SIPA1: variants seen among roughly 807,000 people sequenced by gnomAD.
The protein encoded by SIPA1 is signal-induced proliferation-associated 1.
Under a neutral mutation model 88.1 loss-of-function variants are expected in SIPA1, and 51 were observed. The ratio of observed to expected loss-of-function variants is 0.58; its 90% CI spans 0.46 to 0.73. The LOEUF is 0.73. Ranked by LOEUF, SIPA1 falls within the 30% of genes least tolerant of loss-of-function variation. The probability of loss-of-function intolerance (pLI) is 0.00; values close to 1 mark genes in which losing one functional copy is unlikely to be tolerated. For missense variants in SIPA1, 1,348 were observed against 1,467.6 expected (o/e 0.92, Z 1.33); for synonymous variants, 681 against 664.8 (o/e 1.02, Z -0.37).
At position 65,645,922 on chromosome 11, in the gene SIPA1, A is replaced by C. The variant is rs1360691972; in HGVS notation, c.1228A>C (p.Thr410Pro). The C allele has an allele frequency of 1.9e-6, 3 of 1,613,536 alleles. No homozygotes were observed. Among genetic ancestry groups the C allele is most frequent in the Non-Finnish European group, 2.5e-6 (3 of 1,179,672 alleles). Residue 410 changes from threonine (T) to proline (P), a missense_variant, in exon 6 of 16, where the codon ACG becomes CCG. By Grantham distance (38) the Thr-to-Pro change is conservative (BLOSUM62 -1). Around this residue, in one of 4 missense-constraint regions of SIPA1, gnomAD observed 641 missense variants for 797.7 expected, o/e 0.80. Coordinates refer to ENST00000534313, the MANE Select transcript of SIPA1 (RefSeq NM_006747.4). Reference protein sequence around the residue: ...QDHEIMFHVSTMLPYTPNNQQ... With the variant: ...QDHEIMFHVSPMLPYTPNNQQ... ...CCACGAGATCATGTTCCACGTGTCC[A>C]CGATGCTGCCTTACACCCCTAATAA... is the stretch of plus-strand genomic sequence containing the variant.
At chr11:65,645,706 G>C (rs528604875) in intron 5 of SIPA1, 148 bp from the exon 6 acceptor site, 5 of 577,118 alleles carry the variant, frequency 8.7e-6, no homozygotes, top group Non-Finnish European at 1.6e-5. Flanking sequence ...CTTGAATCTC[G>C]CTGGCTGGGC....
chr11:65,645,371 C>G (rs1856090189), intron 5 of SIPA1, among the ~76,000 whole-genome samples: 1 of 152,110 alleles, frequency 6.6e-6, no homozygotes, highest in Non-Finnish European at 1.5e-5. Flanking sequence ...TTTGGGGGCA[C>G]TACCCCTCCA....
At position 65,641,082 on chromosome 11, in the gene SIPA1, G is replaced by T. The variant is rs1230419849; in HGVS notation, c.161G>T (p.Gly54Val). Residue 54 changes from glycine to valine, a missense_variant, in exon 2 of 16, where the codon GGC becomes GTC. This residue lies in a region of SIPA1 where 641 missense variants were observed against 797.7 expected (regional missense o/e 0.80). Transcript: ENST00000534313. ...GTCCGGGGCCCACTCCTGCGCAGCG[G>T]CAGCGATGCAGGCGAGGCCAGGCCC... ...RPVRGPLLRS[G>V]SDAGEARPPT... 2 of 1,599,752 alleles carry T rather than the reference G, an allele frequency of 1.3e-6. No homozygotes were observed. The highest frequency in any genetic ancestry group is 1.1e-5 in the South Asian group (1 of 90,742).
At position 65,646,453 on chromosome 11, in the gene SIPA1, C is replaced by T. The variant is rs928344428; in HGVS notation, c.1422-3C>T. 1 of 1,587,240 alleles carries T rather than the reference C, an allele frequency of 6.3e-7. No homozygotes were observed. The highest frequency in any genetic ancestry group is 1.7e-5 in the Admixed American group (1 of 58,926). ...CCCCTCACTAACGCCTCCCTCCCCGCAGGGTGGCCGTGAGCCGCACCCAGG... is the reference window on the plus strand; with the variant it reads ...CCCCTCACTAACGCCTCCCTCCCCGTAGGGTGGCCGTGAGCCGCACCCAGG... On this transcript the variant is annotated splice_region_variant and splice_polypyrimidine_tract_variant and intron_variant, in intron 7 of 15. Coordinates refer to ENST00000534313, the MANE Select transcript of SIPA1 (RefSeq NM_006747.4). The surrounding 1 kb of genome is among the most constrained non-coding windows in gnomAD (Gnocchi z 7.5).
At position 65,641,119 on chromosome 11, in the gene SIPA1, C is replaced by T; in HGVS notation, c.198C>T (p.Ala66=). 1.9e-6 allele frequency: 3 copies of T among 1,601,776 alleles called. No homozygotes were observed. The highest frequency in any genetic ancestry group is 1.3e-5 in the African/African-American group (1 of 74,972). The change falls in exon 2 of 16, where the codon GCC becomes GCT. Residue 66 remains alanine (A), a synonymous_variant. Transcript: ENST00000534313. ...GCGAGGCCAGGCCCCCCACGCCAGC[C>T]AGCCCCCGTGCCCGTGCCCACAGCC... ...DAGEARPPTP[A]SPRARAHSHE... is the part of the protein sequence containing the mutation.
chr11:65,650,700 C>CTGA lies in SIPA1; in HGVS notation c.3114_3115insTGA (p.Thr1038_Ala1039insTer). The CTGA allele has an allele frequency of 6.3e-7, 1 of 1,580,038 alleles. No individual in the cohort carries two copies. The highest frequency in any genetic ancestry group is 8.6e-7 in the Non-Finnish European group (1 of 1,163,068). Reference sequence around the variant, plus strand: ...CCTCCAAGCAGCTGGGCTCACCCACCGCCGACCTGGCCTGAGCCGTCTGGA... The same window carrying CTGA: ...CCTCCAAGCAGCTGGGCTCACCCACCTGAGCCGACCTGGCCTGAGCCGTCTGGA... On this transcript the variant is annotated stop_gained and inframe_insertion, in exon 16 of 16. Transcript: ENST00000534313. LOFTEE classifies it high-confidence loss of function.
Position 65,640,816 on chromosome 11 carries a change from C to A in SIPA1, c.-91-15C>A. ...TTCTGCCCAGGCCCCTCTGAGCAGC[C>A]CCCTCCTCCTTCAGGGCAGGAACTG... On this transcript the variant is annotated splice_polypyrimidine_tract_variant and intron_variant, in intron 1 of 15. Coordinates refer to ENST00000534313, the MANE Select transcript of SIPA1 (RefSeq NM_006747.4). The A allele has an allele frequency of 1.9e-6, 2 of 1,045,288 alleles. No individual in the cohort carries two copies. Among genetic ancestry groups the A allele is most frequent in the Non-Finnish European group, 1.3e-6 (1 of 755,616 alleles). The allele number at this position is 1,045,288 out of a possible 1,614,324, so 64.8% of individuals were successfully genotyped here.
Position 65,638,640 on chromosome 11 carries a change from GCTC to G in SIPA1, c.-92+467_-92+469del, listed in dbSNP as rs375645884. ...CTCCAGATGTGCTGGGAAGTGGCCA[GCTC>G]CTCCTCCTGGGGCAGCCAGGCCTTC... is the stretch of plus-strand genomic sequence containing the variant. On this transcript the variant is annotated intron_variant, in intron 1 of 15. Coordinates refer to ENST00000534313, the MANE Select transcript of SIPA1 (RefSeq NM_006747.4). Among the ~76,000 whole-genome samples, 164 of 152,334 alleles carry G rather than the reference GCTC, an allele frequency of 1.1e-3. 1 individual carries two copies. The highest frequency in any genetic ancestry group is 0.01 in the Middle Eastern group (3 of 294).
intron 1 of SIPA1, chr11:65,640,334 C>T (rs1565178348): frequency 6.5e-6 from 1 of 152,758 alleles, no homozygotes; most frequent in East Asian, 1.9e-4. Flanking sequence ...GAGATCAGAC[C>T]TCTCTGGGTG....
In SIPA1 at chr11:65,650,738, C is replaced by A; in HGVS notation, c.*23C>A. The stretch of plus-strand genomic sequence containing the variant: ...TGAGCCGTCTGGAACCACCTGGGCC[C>A]CTGAGGGCACTGTGGTCACACTGGG... On this transcript the variant is annotated 3_prime_UTR_variant, in exon 16 of 16. Transcript: ENST00000534313. 1 of 1,540,136 alleles carries A rather than the reference C, an allele frequency of 6.5e-7. No individual in the cohort carries two copies. Among genetic ancestry groups the A allele is most frequent in the East Asian group, 2.4e-5 (1 of 42,300 alleles).
In SIPA1 at chr11:65,640,731, G is replaced by C. The variant is rs1855983210; in HGVS notation, c.-91-100G>C. ...AGCGGAAGCAGCTTTGATGGTCTCG[G>C]AGGGGGCCGGAAGCCAACACGGGTG... On this transcript the variant is annotated intron_variant, in intron 1 of 15. Transcript: ENST00000534313. 5 of 533,964 alleles carry C rather than the reference G, an allele frequency of 9.4e-6. No homozygotes were observed. The South Asian group carries it at 1.4e-4, about 15-fold the overall frequency. The allele number at this position is 533,964 out of a possible 1,614,324, so 33.1% of individuals were successfully genotyped here.
At position 65,641,459 on chromosome 11, in the gene SIPA1, C is replaced by G; in HGVS notation, c.538C>G (p.Pro180Ala). The change falls in exon 2 of 16, where the codon CCA (proline) becomes GCA (alanine). Residue 180 changes from proline (P) to alanine (A), a missense_variant. Coordinates refer to ENST00000534313, the MANE Select transcript of SIPA1 (RefSeq NM_006747.4). Reference sequence around the variant, plus strand: ...TGAGGGTGAGCTAGGCCTGGGTGGACCAGCATCCCCACCTGTGCCCCCTGC... The same window carrying G: ...TGAGGGTGAGCTAGGCCTGGGTGGAGCAGCATCCCCACCTGTGCCCCCTGC... Reference protein sequence around the residue: ...GGEGELGLGGPASPPVPPALP... With the variant: ...GGEGELGLGGAASPPVPPALP... 6.2e-7 allele frequency: 1 copy of G among 1,612,278 alleles called. No homozygotes were observed. The highest frequency in any genetic ancestry group is 8.5e-7 in the Non-Finnish European group (1 of 1,179,976).
At position 65,641,354 on chromosome 11, in the gene SIPA1, A is replaced by G. The variant is rs1855999734; in HGVS notation, c.433A>G (p.Thr145Ala). 2 of 1,613,348 alleles carry G rather than the reference A, an allele frequency of 1.2e-6. No individual in the cohort carries two copies. Among genetic ancestry groups the G allele is most frequent in the East Asian group, 4.5e-5 (2 of 44,868 alleles). ...MGSHSEASSG[T>A]LASAEDQAAS... ...GAGCCACTCAGAGGCCAGCTCTGGG[A>G]CCCTGGCTTCAGCCGAGGACCAGGC... The change falls in exon 2 of 16, where the codon ACC (threonine) becomes GCC (alanine). Residue 145 changes from threonine to alanine, a missense_variant. Thr to Ala is a moderately conservative substitution (Grantham distance 58). Transcript: ENST00000534313.
In SIPA1 at chr11:65,642,048, AGGTCTG is replaced by A. The variant is rs913335087; in HGVS notation, c.680-191_680-186del. The A allele has an allele frequency of 2.9e-6, 2 of 700,554 alleles. No homozygotes were observed. Among genetic ancestry groups the A allele is most frequent in the African/African-American group, 1.8e-5 (1 of 54,416 alleles). The allele number at this position is 700,554 out of a possible 1,614,324, so 43.4% of individuals were successfully genotyped here. A position where few individuals can be genotyped will look rare whatever the true frequency, so the allele number is the denominator to read the frequency against. On this transcript the variant is annotated intron_variant, in intron 2 of 15. Coordinates refer to ENST00000534313, the MANE Select transcript of SIPA1 (RefSeq NM_006747.4). This position sits in a 1 kb window ranked among gnomAD's most constrained non-coding sequence, Gnocchi z 6.5. ...GCCTGGGAGCTGGCCGCGTGGGTCT[AGGTCTG>A]GGTCTGGGTCCACCTCTGGGTCAGG...
In SIPA1 at chr11:65,642,576, C is replaced by A; in HGVS notation, c.921C>A (p.Cys307Ter). The A allele has an allele frequency of 6.3e-7, 1 of 1,598,780 alleles. No homozygotes were observed. ...EHVAPQLSPS[C>*]LRLGSASPKV... ...TGGCGCCGCAGCTGAGCCCCAGCTG[C>A]CTGCGCCTGGGCTCAGCTTCACCCA... The change falls in exon 4 of 16, where the codon TGC (cysteine) becomes TGA (stop). Residue 307 changes from cysteine to a stop codon, truncating the protein, a stop_gained. Transcript: ENST00000534313. LOFTEE classifies it high-confidence loss of function. This position sits in a 1 kb window ranked among gnomAD's most constrained non-coding sequence, Gnocchi z 6.5.
Position 65,650,555 on chromosome 11 carries a change from C to A in SIPA1, c.2983-14C>A. The A allele has an allele frequency of 6.2e-7, 1 of 1,608,670 alleles. No individual in the cohort carries two copies. The highest frequency in any genetic ancestry group is 2.2e-5 in the East Asian group (1 of 44,632). ...GGGCTGGCGGCTCTGACTCCTGTCT[C>A]CCCGGCACCCCAGGAGAAGGCGGAC... On this transcript the variant is annotated splice_polypyrimidine_tract_variant and intron_variant, in intron 15 of 15. Transcript: ENST00000534313.
At chr11:65,644,817 C>T in intron 4 of SIPA1, 138 bp from the exon 5 acceptor site, 1 of 808,930 alleles carries the variant, frequency 1.2e-6, no homozygotes, top group East Asian at 2.5e-5. Context: ...AGACTGTACT[C>T]ACCTGACAGG....
rs771862288 is a variant in SIPA1 at position 65,641,323 on chromosome 11, G to C, written c.402G>C (p.Gly134=). The change falls in exon 2 of 16, where the codon GGG becomes GGC. Residue 134 remains glycine (G), a synonymous_variant. Transcript: ENST00000534313. ...TTGATTGGGCTCCGAGGTCTCAGGG[G>C]ATGGGGAGCCACTCAGAGGCCAGCT... is the stretch of plus-strand genomic sequence containing the variant. ...LLFDWAPRSQ[G]MGSHSEASSG... The C allele has an allele frequency of 6.2e-7, 1 of 1,613,518 alleles. No homozygotes were observed. Among genetic ancestry groups the C allele is most frequent in the Non-Finnish European group, 8.5e-7 (1 of 1,180,032 alleles).
At position 65,647,449 on chromosome 11, in the gene SIPA1, C is replaced by T; in HGVS notation, c.2097C>T (p.Gly699=). The T allele has an allele frequency of 1.3e-6, 2 of 1,482,136 alleles. No homozygotes were observed. Among genetic ancestry groups the T allele is most frequent in the South Asian group, 1.2e-5 (1 of 80,082 alleles). 91.8% of individuals were successfully genotyped at this position (1,482,136 alleles called of 1,614,324 possible). A position where few individuals can be genotyped will look rare whatever the true frequency, so the allele number is the denominator to read the frequency against. The change falls in exon 9 of 16, where the codon GGC becomes GGT. Residue 699 remains glycine (G), a synonymous_variant. Coordinates refer to ENST00000534313, the MANE Select transcript of SIPA1 (RefSeq NM_006747.4). ...CCCGCGACGGTCAAGGCCGCCTGGG[C>T]TTCGAGGTGGACGCCGAGGGATTCG... is the stretch of plus-strand genomic sequence containing the variant. The part of the protein sequence containing the change: ...ALPRDGQGRL[G]FEVDAEGFVT...
Sources: gnomAD v4.1 joint callset for allele counts (sites outside exome capture counted in the v4.1 genomes callset) on GRCh38, gnomAD v4.1.1 for gene constraint, gnomAD v4.1.1 regional missense constraint, Gnocchi (gnomAD v3.1) non-coding constraint, MANE v1.5 for transcripts, NCBI Gene and HGNC (gene_info 2026-07-23, HGNC 2026-07-21) for gene names.